Variants in MGAT4C observed in about 807,000 individuals in gnomAD.
MGAT4C encodes the protein MGAT4 family member C.
MGAT4C carries 19 observed loss-of-function variants against 40.1 expected under a neutral mutation model. That is an observed-to-expected ratio of 0.47 (90% CI 0.33 to 0.70). The LOEUF (loss-of-function observed/expected upper bound fraction) is 0.70, where lower values mean the gene tolerates loss of function less well. Ranked by LOEUF, MGAT4C falls within the 30% of genes least tolerant of loss-of-function variation. MGAT4C has a pLI of 0.02. For synonymous variants in MGAT4C, 181 were observed against 187.1 expected (o/e 0.97, Z 0.27); for missense variants, 491 against 563.2 (o/e 0.87, Z 1.30).
At position 86,617,294 on chromosome 12, in the gene MGAT4C, T is replaced by C. The variant is rs542979984; in HGVS notation, c.-229+109915A>G. ...TCTAACGTTGTCTTCATAGTAGCTA[T>C]GTATTTGAGTAACTTGCTTTATCAT... is the stretch of plus-strand genomic sequence containing the variant. On this transcript the variant is annotated intron_variant, in intron 2 of 7. Coordinates refer to the MGAT4C transcript ENST00000548651. Among the ~76,000 whole-genome samples, 16 of 152,330 alleles carry C rather than the reference T, an allele frequency of 1.1e-4. No homozygotes were observed. The East Asian group carries it at 2.9e-3, about 28-fold the overall frequency.
chr12:86,459,720 G>A (rs562105095), intron 2 of MGAT4C, among the ~76,000 whole-genome samples: 71 of 90,610 alleles, frequency 7.8e-4, no homozygotes, highest in Non-Finnish European at 1.2e-3. Flanking sequence ...ACCCACATGC[G>A]CATACATGAA....
intron 2 of MGAT4C, chr12:86,001,988 T>C (rs899798097): frequency 4.6e-5 from 7 of 152,206 alleles, no homozygotes; most frequent in African/African-American, 1.7e-4. Context: ...CTGAGATCTC[T>C]TCCTTCCCAT....
intron 1 of MGAT4C, among the ~76,000 whole-genome samples, chr12:86,167,381 T>C (rs1306033319): frequency 6.6e-6 from 1 of 152,208 alleles, no homozygotes; most frequent in East Asian, 1.9e-4. Context: ...TAATTGTTTA[T>C]TGAATTAGGC....
chr12:86,583,224 CA>C (rs1960866894), intron 2 of MGAT4C, among the ~76,000 whole-genome samples: 1 of 151,142 alleles, frequency 6.6e-6, no homozygotes, highest in Middle Eastern at 3.2e-3. Context: ...AAGCAGAAAA[CA>C]AAGTAAAAGA....
chr12:86,828,298 G>A (rs2035717), intron 1 of MGAT4C, among the ~76,000 whole-genome samples: 51,781 of 150,424 alleles, frequency 0.34, 9,914 homozygotes, highest in Admixed American at 0.47. Flanking sequence ...TATATTATAT[G>A]TTTATCATTT....
chr12:86,061,897 C>A (rs949852302), intron 1 of MGAT4C, among the ~76,000 whole-genome samples: 5 of 152,158 alleles, frequency 3.3e-5, no homozygotes, highest in African/African-American at 1.2e-4. Flanking sequence ...GATAAAACCC[C>A]CACCTCCCTG....
chr12:86,435,651 T>A (rs1434013764), intron 2 of MGAT4C, among the ~76,000 whole-genome samples: 7 of 151,896 alleles, frequency 4.6e-5, no homozygotes, highest in Admixed American at 4.0e-4. Context: ...TATTATTAAG[T>A]CTCTTTCATT....
chr12:86,709,848 A>G (rs1004749290), intron 2 of MGAT4C, among the ~76,000 whole-genome samples: 1 of 152,180 alleles, frequency 6.6e-6, no homozygotes, highest in African/African-American at 2.4e-5. Context: ...GAAAAAATTT[A>G]CAAATTGCCT....
rs1883100950 is a variant in MGAT4C, at chr12:85,961,332, A to G, written c.*17957T>C. 6.6e-6 allele frequency: 1 copy of G among 151,882 alleles called. No individual in the cohort carries two copies. The highest frequency in any genetic ancestry group is 1.5e-5 in the Non-Finnish European group (1 of 67,816). 9.4% of individuals were successfully genotyped at this position (151,882 alleles called of 1,614,324 possible). ...TTTATGAGCTCAGAAAAAAATGCCT[A>G]ACATGAACATTTAAGCATCTTCTGT... On this transcript the variant is annotated 3_prime_UTR_variant, in exon 5 of 5. Coordinates refer to ENST00000611864, the MANE Select transcript of MGAT4C (RefSeq NM_001351288.2).
chr12:86,256,762 T>C (rs1305288499), upstream of MGAT4C, among the ~76,000 whole-genome samples: 1 of 152,188 alleles, frequency 6.6e-6, no homozygotes, highest in East Asian at 1.9e-4. Flanking sequence ...TCATAACATC[T>C]GGAATTTTAA....
chr12:86,385,791 A>G (rs1313905765), intron 3 of MGAT4C, among the ~76,000 whole-genome samples: 2 of 152,124 alleles, frequency 1.3e-5, no homozygotes. Flanking sequence ...ACACTGCTCA[A>G]ATTAAATTCA....
At chr12:86,553,735 G>A (rs908729283) in intron 2 of MGAT4C, among the ~76,000 whole-genome samples, 1 of 152,090 alleles carries the variant, frequency 6.6e-6, no homozygotes. Context: ...CATAAAGCTA[G>A]CTCTCTCAAA....
intron 2 of MGAT4C, among the ~76,000 whole-genome samples, chr12:86,674,096 A>T (rs1964331116): frequency 6.6e-6 from 1 of 152,142 alleles, no homozygotes; most frequent in South Asian, 2.1e-4. Flanking sequence ...CAATTAAACA[A>T]CCACAAAACC....
At chr12:86,135,421 A>T (rs547544380) in intron 1 of MGAT4C, among the ~76,000 whole-genome samples, 2 of 152,254 alleles carry the variant, frequency 1.3e-5, no homozygotes, top group Non-Finnish European at 2.9e-5. Flanking sequence ...CCAAAGACAG[A>T]CAGCCATATG....
intron 1 of MGAT4C, among the ~76,000 whole-genome samples, chr12:86,209,563 G>A (rs911585718): frequency 3.3e-5 from 5 of 151,950 alleles, no homozygotes; most frequent in African/African-American, 9.7e-5. Flanking sequence ...TCAGCTTTTG[G>A]GACACATGAA....
At chr12:86,696,586 C>A (rs904191142) in intron 2 of MGAT4C, among the ~76,000 whole-genome samples, 7 of 152,096 alleles carry the variant, frequency 4.6e-5, no homozygotes, top group Non-Finnish European at 8.8e-5. Context: ...AATGCCAGTG[C>A]CATTTTTTAT....
At chr12:86,603,752 A>AC (rs1428433452) in intron 2 of MGAT4C, among the ~76,000 whole-genome samples, 1 of 130,608 alleles carries the variant, frequency 7.7e-6, no homozygotes, top group Non-Finnish European at 1.6e-5. Context: ...TATATATTAT[A>AC]TATAATATAT....
intron 1 of MGAT4C, among the ~76,000 whole-genome samples, chr12:86,829,480 T>A (rs1952875915): frequency 6.6e-6 from 1 of 151,524 alleles, no homozygotes; most frequent in South Asian, 2.1e-4. Context: ...ACTTAAAACT[T>A]TCTACAAAAT....
intron 2 of MGAT4C, among the ~76,000 whole-genome samples, chr12:86,445,080 T>G (rs2178749): frequency 0.76 from 115,176 of 151,984 alleles, 44,884 homozygotes; most frequent in Non-Finnish European, 0.85. Context: ...AATTTTTGTG[T>G]GTAACAGACG....
Sources: gnomAD v4.1 joint callset for allele counts (sites outside exome capture counted in the v4.1 genomes callset) on GRCh38, gnomAD v4.1.1 for gene constraint, MANE v1.5 for transcripts, NCBI Gene and HGNC (gene_info 2026-07-23, HGNC 2026-07-21) for gene names.